The following BAZ2B variants were observed in gnomAD, a reference collection of about 807,000 sequenced individuals.
BAZ2B encodes the protein bromodomain adjacent to zinc finger domain protein 2B.
A neutral mutation model predicts 246.0 loss-of-function variants in BAZ2B; 91 were observed. The observed-to-expected ratio is 0.37, with a 90% CI of 0.31 to 0.44. The LOEUF is 0.44. Ranked by LOEUF, BAZ2B falls within the 20% of genes least tolerant of loss-of-function variation. The probability of loss-of-function intolerance (pLI) is 1.00; values close to 1 mark genes in which losing one functional copy is unlikely to be tolerated. For synonymous variants in BAZ2B, 855 were observed against 860.0 expected (o/e 0.99, Z 0.10); for missense variants, 2,332 against 2,533.7 (o/e 0.92, Z 1.71).
intron 10 of BAZ2B, among the ~76,000 whole-genome samples, chr2:159,429,695 A>G (rs2070719485): frequency 6.6e-6 from 1 of 152,196 alleles, no homozygotes; most frequent in African/African-American, 2.4e-5. Context: ...ATATAAATCC[A>G]TAGTCAAAAA....
At chr2:159,336,830 A>G in intron 33 of BAZ2B, 112 bp downstream of exon 33, 1 of 948,632 alleles carries the variant, frequency 1.1e-6, no homozygotes, top group Non-Finnish European at 1.5e-6. Flanking sequence ...ACTCTCAAGT[A>G]TAGCATACAT....
At chr2:159,692,019 C>T in the BAZ2B span, among the ~76,000 whole-genome samples, 1 of 152,102 alleles carries the variant, frequency 6.6e-6, no homozygotes, top group African/African-American at 2.4e-5. Flanking sequence ...CATGTATGAT[C>T]TATGTTTATA....
intron 1 of BAZ2B, among the ~76,000 whole-genome samples, chr2:159,562,452 T>G (rs1241422578): frequency 6.6e-6 from 1 of 152,212 alleles, no homozygotes; most frequent in East Asian, 1.9e-4. Flanking sequence ...GCTTAGCACT[T>G]CGCAACATCT....
rs1577036433 is a variant in BAZ2B, at chr2:159,438,130, T to C, written c.1293+173A>G. 3 of 631,810 alleles carry C rather than the reference T, an allele frequency of 4.7e-6. No individual in the cohort carries two copies. The Admixed American group carries it at 9.3e-5, about 20-fold the overall frequency. The allele number at this position is 631,810 out of a possible 1,614,324, so 39.1% of individuals were successfully genotyped here. ...AAAATACATTAAACAGATACATATA[T>C]GAATATAAAATCAGAGAAATTTAGT... On this transcript the variant is annotated intron_variant, in intron 8 of 36. Coordinates refer to ENST00000392783, the MANE Select transcript of BAZ2B (RefSeq NM_013450.4).
At chr2:159,470,846 G>C (rs1052507808) in intron 3 of BAZ2B, among the ~76,000 whole-genome samples, 1 of 152,138 alleles carries the variant, frequency 6.6e-6, no homozygotes, top group African/African-American at 2.4e-5. Flanking sequence ...TGTTAAATTT[G>C]TTAAGTTTGA....
intron 25 of BAZ2B, among the ~76,000 whole-genome samples, 165 bp from the exon 26 acceptor site, chr2:159,374,918 T>A (rs554215596): frequency 2.6e-5 from 4 of 152,022 alleles, no homozygotes; most frequent in South Asian, 2.1e-4. Context: ...ACATTATGTT[T>A]AAAAAAAACA....
intron 1 of BAZ2B, among the ~76,000 whole-genome samples, chr2:159,613,121 C>T (rs961288898): frequency 2.7e-4 from 41 of 152,028 alleles, no homozygotes; most frequent in Non-Finnish European, 5.3e-4. Flanking sequence ...AAACAATATT[C>T]AAGTAAAATC....
chr2:159,549,267 C>T (rs572770726), intron 2 of BAZ2B, among the ~76,000 whole-genome samples: 21 of 152,262 alleles, frequency 1.4e-4, no homozygotes, highest in African/African-American at 3.8e-4. Flanking sequence ...GGCAACAGAA[C>T]GAGACTCTGT....
At position 159,433,288 on chromosome 2, in the gene BAZ2B, C is replaced by T. The variant is rs1445921658; in HGVS notation, c.1369G>A (p.Ala457Thr). 1.9e-6 allele frequency: 3 copies of T among 1,614,052 alleles called. No individual in the cohort carries two copies. Among genetic ancestry groups the T allele is most frequent in the East Asian group, 2.2e-5 (1 of 44,872 alleles). ...GAGGTTGCTTTTGGATTTGACAAAG[C>T]TGCAATAACCTTCTTCAGGCTCTTC... ...SSKSLKKVIA[A>T]LSNPKATSSS... The change falls in exon 9 of 37, where the codon GCT becomes ACT. Residue 457 changes from alanine to threonine, a missense_variant. Around this residue, in one of 9 missense-constraint regions of BAZ2B, gnomAD observed 651 missense variants for 650.9 expected, o/e 1.00. Coordinates refer to ENST00000392783, the MANE Select transcript of BAZ2B (RefSeq NM_013450.4).
At chr2:159,561,181 A>G (rs72960220) in intron 1 of BAZ2B, among the ~76,000 whole-genome samples, 9,014 of 152,262 alleles carry the variant, frequency 0.059, 387 homozygotes, top group East Asian at 0.22. Flanking sequence ...TGTTTGGGTC[A>G]TGGGGGTGGA....
At chr2:159,340,486 T>A (rs1457041497) in intron 31 of BAZ2B, among the ~76,000 whole-genome samples, 1 of 152,136 alleles carries the variant, frequency 6.6e-6, no homozygotes, top group Non-Finnish European at 1.5e-5. Flanking sequence ...CATATTATAG[T>A]CACCCTGTAA....
the BAZ2B span, among the ~76,000 whole-genome samples, chr2:159,630,696 G>C: frequency 1.3e-5 from 2 of 152,072 alleles, no homozygotes; most frequent in Non-Finnish European, 2.9e-5. Flanking sequence ...ACCACGCCCG[G>C]CTAATTTTTT....
intron 2 of BAZ2B, among the ~76,000 whole-genome samples, chr2:159,550,415 G>C (rs756207864): frequency 3.3e-5 from 5 of 152,100 alleles, no homozygotes; most frequent in Non-Finnish European, 4.4e-5. Flanking sequence ...AAGGAGGAAG[G>C]GGGCGAAAAA....
chr2:159,652,990 T>C, the BAZ2B span, among the ~76,000 whole-genome samples: 1 of 151,674 alleles, frequency 6.6e-6, no homozygotes, highest in Non-Finnish European at 1.5e-5. Context: ...CAGGCTGGAG[T>C]GCAGGGGTGC....
intron 27 of BAZ2B, among the ~76,000 whole-genome samples, chr2:159,364,970 G>A (rs1234925549): frequency 1.3e-5 from 2 of 152,152 alleles, no homozygotes; most frequent in African/African-American, 4.8e-5. Flanking sequence ...CTCAGGCAGA[G>A]ACTCTGATGG....
intron 1 of BAZ2B, among the ~76,000 whole-genome samples, chr2:159,571,146 G>A (rs921480727): frequency 6.6e-5 from 10 of 152,104 alleles, no homozygotes; most frequent in Non-Finnish European, 1.2e-4. Context: ...GAGCCACCAC[G>A]CTCAGCCAGG....
the BAZ2B span, among the ~76,000 whole-genome samples, chr2:159,633,273 C>G: frequency 6.6e-6 from 1 of 151,872 alleles, no homozygotes; most frequent in Non-Finnish European, 1.5e-5. Flanking sequence ...CACAGTCCAA[C>G]TGAGAGGCAT....
At chr2:159,436,699 G>A (rs867136623) in intron 8 of BAZ2B, among the ~76,000 whole-genome samples, 20 of 151,978 alleles carry the variant, frequency 1.3e-4, no homozygotes, top group Non-Finnish European at 8.8e-5. Context: ...TGCAGTGAGC[G>A]GAGATCTTGC....
intron 27 of BAZ2B, among the ~76,000 whole-genome samples, chr2:159,361,890 G>C (rs1247264237): frequency 2.0e-5 from 3 of 151,674 alleles, no homozygotes; most frequent in Non-Finnish European, 4.4e-5. Context: ...TCACTCATAA[G>C]TGGGCGTTGA....
Sources: allele counts gnomAD v4.1 joint callset (sites outside exome capture counted in the v4.1 genomes callset), GRCh38; gene constraint gnomAD v4.1.1; regional missense constraint gnomAD v4.1.1; transcripts MANE v1.5; gene names NCBI Gene and HGNC (gene_info 2026-07-23, HGNC 2026-07-21).